The following RHOBTB3 variants were observed in gnomAD, a reference collection of about 807,000 sequenced individuals.
RHOBTB3 encodes rho-related BTB domain-containing protein 3.
In RHOBTB3, 47 loss-of-function variants were observed where a neutral mutation model predicts 67.2. The observed-to-expected ratio is 0.70, with a 90% CI of 0.55 to 0.89. The LOEUF (loss-of-function observed/expected upper bound fraction) is 0.89. Ranked by LOEUF, RHOBTB3 falls within the 40% of genes least tolerant of loss-of-function variation. The pLI, the probability that RHOBTB3 is intolerant of heterozygous loss-of-function variation, is 0.00. For synonymous variants in RHOBTB3, 273 were observed against 274.2 expected, an observed-to-expected ratio of 1.00 and a Z score of 0.04; for missense variants, 631 against 750.0, an observed-to-expected ratio of 0.84 and a Z score of 1.85.
intron 7 of RHOBTB3, among the ~76,000 whole-genome samples, chr5:95,767,313 T>C (rs183738334): frequency 1.2e-4 from 18 of 151,246 alleles, no homozygotes; most frequent in African/African-American, 4.4e-4. Context: ...AAGGATATGG[T>C]GTGATAAGGG....
At chr5:95,735,066 A>G (rs1755420442) in intron 2 of RHOBTB3, among the ~76,000 whole-genome samples, 2 of 152,130 alleles carry the variant, frequency 1.3e-5, no homozygotes, top group Admixed American at 6.5e-5. Flanking sequence ...TTATACTTGG[A>G]TACTTTGAAC....
chr5:95,725,212 A>T (rs888977040), intron 1 of RHOBTB3, among the ~76,000 whole-genome samples: 9 of 152,256 alleles, frequency 5.9e-5, no homozygotes, highest in Admixed American at 3.9e-4. Flanking sequence ...GATGCTATTC[A>T]GCAATGAAAA....
At chr5:95,734,523 C>T (rs916343635) in intron 2 of RHOBTB3, among the ~76,000 whole-genome samples, 13 of 152,184 alleles carry the variant, frequency 8.5e-5, no homozygotes, top group Non-Finnish European at 4.4e-5. Flanking sequence ...CCCTAGTTCT[C>T]TTCTATAGAT....
rs1746013625 is a variant in RHOBTB3 at position 95,780,368 on chromosome 5, T to C, written c.1399T>C (p.Ser467Pro). The C allele has an allele frequency of 5.0e-6, 8 of 1,614,134 alleles. No individual in the cohort carries two copies. In the East Asian group the frequency reaches 1.8e-4, roughly 36 times the overall value. Reference protein sequence around the residue: ...KSVLIPVYGVSKETFLSFLEY... With the variant: ...KSVLIPVYGVPKETFLSFLEY... ...TGTCCTGATTCCCGTTTATGGTGTT[T>C]CCAAAGAGACTTTCTTGTCATTTTT... Residue 467 changes from serine (S) to proline (P), a missense_variant, in exon 9 of 12, where the codon TCC (serine) becomes CCC (proline). Physicochemically the swap from Ser to Pro is moderately conservative, Grantham distance 74 (BLOSUM62 -1). Coordinates refer to ENST00000379982, the MANE Select transcript of RHOBTB3 (RefSeq NM_014899.4).
At chr5:95,783,634 A>C in intron 9 of RHOBTB3, 163 bp from the exon 10 acceptor site, 1 of 438,608 alleles carries the variant, frequency 2.3e-6, no homozygotes, top group East Asian at 3.4e-5. Flanking sequence ...ATAAAAGTGC[A>C]GAATGCTGAC....
chr5:95,770,888 A>G (rs1435758481), intron 8 of RHOBTB3, among the ~76,000 whole-genome samples: 9 of 152,196 alleles, frequency 5.9e-5, no homozygotes, highest in Admixed American at 5.9e-4. Flanking sequence ...ATAGCAGTTT[A>G]CTGCTGTCAT....
chr5:95,755,673 ATC>A lies in RHOBTB3; in HGVS notation c.962_963del (p.Ser321PhefsTer11). On this transcript the variant is annotated frameshift_variant, in exon 6 of 12. Transcript: ENST00000379982. LOFTEE classifies it high-confidence loss of function. ...CTGCATTTCCAGGTGCTAGCCATGA[ATC>A]TTCAGGCAACCCACCATTACGAGTC... ...DTAFPGASHE[S>X]SGNPPLRVIV... 6.2e-7 allele frequency: 1 copy of A among 1,614,174 alleles called. No homozygotes were observed. Among genetic ancestry groups the A allele is most frequent in the Non-Finnish European group, 8.5e-7 (1 of 1,180,018 alleles).
At chr5:95,730,420 A>G (rs1285742684), upstream of RHOBTB3, among the ~76,000 whole-genome samples, 1 of 152,220 alleles carries the variant, frequency 6.6e-6, no homozygotes, top group Non-Finnish European at 1.5e-5. Flanking sequence ...TGGTGTTAGT[A>G]AGTGGATCCC....
chr5:95,756,708 G>C (rs1487100492), intron 6 of RHOBTB3, among the ~76,000 whole-genome samples: 1 of 152,044 alleles, frequency 6.6e-6, no homozygotes, highest in Non-Finnish European at 1.5e-5. Flanking sequence ...TAATGGGTTT[G>C]ATGTGGTATC....
rs1489379912 is a variant in RHOBTB3 at position 95,796,009 on chromosome 5, C to T, written c.*2835C>T. 6.6e-6 allele frequency: 1 copy of T among 152,058 alleles called. No individual in the cohort carries two copies. The highest frequency in any genetic ancestry group is 1.5e-5 in the Non-Finnish European group (1 of 68,014). The allele number at this position is 152,058 out of a possible 1,614,324, so 9.4% of individuals were successfully genotyped here. A position where few individuals can be genotyped will look rare whatever the true frequency, so the allele number is the denominator to read the frequency against. On this transcript the variant is annotated 3_prime_UTR_variant, in exon 12 of 12. Coordinates refer to ENST00000379982, the MANE Select transcript of RHOBTB3 (RefSeq NM_014899.4). The stretch of plus-strand genomic sequence containing the variant: ...GCTCACTGTTCATATTATAGGGGAC[C>T]AGATTTGTAATATAGAATTCTCCAT...
At chr5:95,730,977 C>T (rs1376529180), upstream of RHOBTB3, 5 of 557,898 alleles carry the variant, frequency 9.0e-6, no homozygotes, top group Non-Finnish European at 1.6e-5. Context: ...CCTAGCTTCC[C>T]TAACCTCCTT....
At chr5:95,732,735 G>A (rs1324568516) in intron 2 of RHOBTB3, 3 of 152,192 alleles carry the variant, frequency 2.0e-5, no homozygotes, top group Non-Finnish European at 4.4e-5. Flanking sequence ...ATTAAAATTT[G>A]TAATAATTGA....
Position 95,783,880 on chromosome 5 carries a change from A to G in RHOBTB3, c.1540A>G (p.Ile514Val). ...SRLQHICELF[I>V]ITQLQSMPSR... Reference sequence around the variant, plus strand: ...ACTGCAGCACATCTGTGAGCTGTTCATCATTACCCAGCTGCAGAGCATGCC... The same window carrying G: ...ACTGCAGCACATCTGTGAGCTGTTCGTCATTACCCAGCTGCAGAGCATGCC... The change falls in exon 10 of 12, where the codon ATC becomes GTC. Residue 514 changes from isoleucine (I) to valine (V), a missense_variant. Coordinates refer to ENST00000379982, the MANE Select transcript of RHOBTB3 (RefSeq NM_014899.4). The G allele has an allele frequency of 1.2e-6, 2 of 1,614,032 alleles. No individual in the cohort carries two copies. The highest frequency in any genetic ancestry group is 2.2e-5 in the South Asian group (2 of 91,074).
chr5:95,729,949 G>A (rs183450937), upstream of RHOBTB3, among the ~76,000 whole-genome samples: 2 of 151,942 alleles, frequency 1.3e-5, no homozygotes, highest in East Asian at 1.9e-4. Context: ...ATGGGTTTCC[G>A]GAAAAGACTG....
At chr5:95,770,552 G>T in intron 8 of RHOBTB3, 2 of 400,042 alleles carry the variant, frequency 5.0e-6, no homozygotes, top group Admixed American at 2.5e-5. Context: ...GGTGGAAGAG[G>T]AATCATTGGC....
chr5:95,731,131 TA>T (rs1476325841), upstream of RHOBTB3: 8 of 1,026,556 alleles, frequency 7.8e-6, no homozygotes, highest in African/African-American at 1.2e-4. Context: ...TATTAATTTA[TA>T]TTCCGCGGCG....
chr5:95,735,156 A>C (rs1230988443), intron 2 of RHOBTB3, among the ~76,000 whole-genome samples: 2 of 151,988 alleles, frequency 1.3e-5, no homozygotes, highest in African/African-American at 2.4e-5. Flanking sequence ...TCTGCTGGGA[A>C]GCTTTCCCAT....
At chr5:95,737,730 G>A (rs1469188255) in intron 3 of RHOBTB3, among the ~76,000 whole-genome samples, 1 of 152,142 alleles carries the variant, frequency 6.6e-6, no homozygotes, top group Non-Finnish European at 1.5e-5. Flanking sequence ...TTTAAATTGA[G>A]GTATTGCGAA....
At chr5:95,776,776 A>G (rs1034872437) in intron 8 of RHOBTB3, among the ~76,000 whole-genome samples, 3 of 152,126 alleles carry the variant, frequency 2.0e-5, no homozygotes, top group Non-Finnish European at 4.4e-5. Flanking sequence ...TAAAATAGGG[A>G]TACTAATTCC....
Sources: allele counts gnomAD v4.1 joint callset (sites outside exome capture counted in the v4.1 genomes callset), GRCh38; gene constraint gnomAD v4.1.1; transcripts MANE v1.5; gene names NCBI Gene and HGNC (gene_info 2026-07-23, HGNC 2026-07-21).